Variants in BICC1 observed in about 807,000 individuals in gnomAD.
BICC1 encodes protein bicaudal C homolog 1.
In BICC1, 43 loss-of-function variants were observed where a neutral mutation model predicts 111.0. That is an observed-to-expected ratio of 0.39 (90% CI 0.30 to 0.50). The LOEUF (loss-of-function observed/expected upper bound fraction) is 0.50, where lower values mean the gene tolerates loss of function less well. BICC1 is among the 20% of genes least tolerant of loss of function. The pLI is 0.88. For synonymous variants in BICC1, 467 were observed against 434.4 expected (o/e 1.07, Z -0.93); for missense variants, 1,091 against 1,203.2 (o/e 0.91, Z 1.38).
chr10:58,779,586 A>G (rs987676397), intron 3 of BICC1, among the ~76,000 whole-genome samples: 3 of 152,222 alleles, frequency 2.0e-5, no homozygotes, highest in African/African-American at 4.8e-5. Context: ...ATTTGCATTT[A>G]TACAGAAATA....
At chr10:58,772,481 A>T (rs993042241) in intron 3 of BICC1, among the ~76,000 whole-genome samples, 2 of 152,242 alleles carry the variant, frequency 1.3e-5, no homozygotes, top group Non-Finnish European at 2.9e-5. Flanking sequence ...ATTAAAAAAT[A>T]TAATTGTTGA....
intron 2 of BICC1, among the ~76,000 whole-genome samples, chr10:58,676,087 C>G (rs1445975931): frequency 6.6e-6 from 1 of 152,202 alleles, no homozygotes; most frequent in African/African-American, 2.4e-5. Flanking sequence ...ATGGTGCTAT[C>G]TGGCCCAGAT....
At chr10:58,801,164 T>G (rs1843535301) in intron 14 of BICC1, 118 bp downstream of exon 14, 2 of 901,174 alleles carry the variant, frequency 2.2e-6, no homozygotes. Flanking sequence ...ATGGGTGTTT[T>G]CATTTTAACT....
chr10:58,788,546 C>A, intron 6 of BICC1, 123 bp downstream of exon 6: 1 of 620,780 alleles, frequency 1.6e-6, no homozygotes, highest in Non-Finnish European at 2.8e-6. Context: ...GAAATAGTGG[C>A]AAAAGTTATT....
chr10:58,745,224 A>G (rs187752070), intron 3 of BICC1, among the ~76,000 whole-genome samples: 1 of 152,240 alleles, frequency 6.6e-6, no homozygotes, highest in East Asian at 1.9e-4. Context: ...GTCCTGGCTT[A>G]GGGGATTGGG....
chr10:58,732,906 A>T (rs979232315), intron 3 of BICC1, among the ~76,000 whole-genome samples: 1 of 152,146 alleles, frequency 6.6e-6, no homozygotes, highest in African/African-American at 2.4e-5. Flanking sequence ...AAAAGTTTGA[A>T]ATATTGCAGG....
intron 3 of BICC1, among the ~76,000 whole-genome samples, chr10:58,741,427 G>T (rs1841660804): frequency 6.6e-6 from 1 of 152,142 alleles, no homozygotes; most frequent in Non-Finnish European, 1.5e-5. Flanking sequence ...TAAGGATACT[G>T]TAGTCCAAGA....
intron 3 of BICC1, among the ~76,000 whole-genome samples, chr10:58,726,693 AAAG>A (rs1358005678): frequency 1.3e-5 from 2 of 152,218 alleles, no homozygotes; most frequent in African/African-American, 4.8e-5. Context: ...TACATACTGA[AAAG>A]AAATCAGCTG....
chr10:58,516,895 C>G (rs1339925151), intron 1 of BICC1, among the ~76,000 whole-genome samples: 2 of 151,962 alleles, frequency 1.3e-5, no homozygotes, highest in Non-Finnish European at 2.9e-5. Context: ...AGCAGGAAGT[C>G]TGGGAGAAAG....
rs867952339 is a variant in BICC1 at position 58,512,895 on chromosome 10, G to A, written c.-249G>A. Among the ~76,000 whole-genome samples, 1 of 147,482 alleles carries A rather than the reference G, an allele frequency of 6.8e-6. No homozygotes were observed. The highest frequency in any genetic ancestry group is 2.4e-5 in the African/African-American group (1 of 40,970). On this transcript the variant is annotated 5_prime_UTR_variant, in exon 1 of 21. Transcript: ENST00000373886. The stretch of plus-strand genomic sequence containing the variant: ...TCATTCCGCGCGGGCGTTGCTGGCG[G>A]GGGGCGGCGCAGCCACTGGACCCGG...
chr10:58,724,615 C>T (rs980042503), intron 3 of BICC1, among the ~76,000 whole-genome samples: 1 of 152,158 alleles, frequency 6.6e-6, no homozygotes, highest in African/African-American at 2.4e-5. Flanking sequence ...ATTCTTCCAG[C>T]CATTTCACTC....
chr10:58,580,687 C>G (rs1343093802), intron 1 of BICC1, among the ~76,000 whole-genome samples: 1 of 152,108 alleles, frequency 6.6e-6, no homozygotes, highest in East Asian at 1.9e-4. Flanking sequence ...TAATAACTTC[C>G]ATTTCCCTGG....
intron 20 of BICC1, 129 bp from the exon 21 acceptor site, chr10:58,828,632 T>A: frequency 2.1e-6 from 2 of 938,668 alleles, no homozygotes; most frequent in Non-Finnish European, 3.1e-6. Flanking sequence ...AAAGTTTTCC[T>A]TTTGATACCA....
intron 3 of BICC1, among the ~76,000 whole-genome samples, chr10:58,703,997 A>T (rs551695091): frequency 1.3e-5 from 2 of 152,156 alleles, no homozygotes; most frequent in South Asian, 4.1e-4. Flanking sequence ...TTTGTTCAAA[A>T]TGTGGTGGCA....
chr10:58,779,590 A>G (rs1335382237), intron 3 of BICC1, among the ~76,000 whole-genome samples: 1 of 152,234 alleles, frequency 6.6e-6, no homozygotes, highest in Non-Finnish European at 1.5e-5. Flanking sequence ...GCATTTATAC[A>G]GAAATACAGC....
At chr10:58,734,432 A>G (rs1235339035) in intron 3 of BICC1, among the ~76,000 whole-genome samples, 3 of 152,198 alleles carry the variant, frequency 2.0e-5, no homozygotes, top group Non-Finnish European at 4.4e-5. Flanking sequence ...AATCGTTAAC[A>G]TTTCCAAGTG....
intron 2 of BICC1, among the ~76,000 whole-genome samples, chr10:58,691,528 A>G (rs909446257): frequency 1.3e-5 from 2 of 152,242 alleles, no homozygotes; most frequent in African/African-American, 4.8e-5. Flanking sequence ...GCAGAGGTCA[A>G]AAAGTGGGAC....
intron 1 of BICC1, among the ~76,000 whole-genome samples, chr10:58,559,728 C>CA (rs974598349): frequency 1.3e-5 from 2 of 152,172 alleles, no homozygotes; most frequent in African/African-American, 4.8e-5. Flanking sequence ...ATGGGGTTGT[C>CA]ATGTATGGCC....
intron 3 of BICC1, among the ~76,000 whole-genome samples, chr10:58,736,590 A>C (rs1229956896): frequency 6.6e-6 from 1 of 152,214 alleles, no homozygotes; most frequent in Non-Finnish European, 1.5e-5. Flanking sequence ...AAACACTGTA[A>C]TGCCGTCTTT....
Sources: gnomAD v4.1 joint callset for allele counts (sites outside exome capture counted in the v4.1 genomes callset) on GRCh38, gnomAD v4.1.1 for gene constraint, MANE v1.5 for transcripts, NCBI Gene and HGNC (gene_info 2026-07-23, HGNC 2026-07-21) for gene names.